BCR: variants seen among roughly 807,000 people sequenced by gnomAD.
BCR encodes breakpoint cluster region protein.
BCR carries 58 observed loss-of-function variants against 138.6 expected under a neutral mutation model. The ratio of observed to expected loss-of-function variants is 0.42; its 90% confidence interval spans 0.34 to 0.52. The LOEUF (loss-of-function observed/expected upper bound fraction) is 0.52. Ranked by LOEUF, BCR falls within the 20% of genes least tolerant of loss-of-function variation. BCR has a pLI of 0.06. For missense variants in BCR, 1,599 were observed against 1,727.2 expected (o/e 0.93, Z 1.32); for synonymous variants, 786 against 730.1 (o/e 1.08, Z -1.23).
intron 16 of BCR, among the ~76,000 whole-genome samples, chr22:23,297,566 C>T (rs567589184): frequency 3.9e-5 from 6 of 152,264 alleles, no homozygotes; most frequent in Admixed American, 6.5e-5. Flanking sequence ...TGTTTTCTGT[C>T]TCCCCCACCC....
At chr22:23,186,018 C>CG (rs2146195119) in intron 1 of BCR, among the ~76,000 whole-genome samples, 1 of 62 alleles carries the variant, frequency 0.016, no homozygotes, top group Admixed American at 0.083. Flanking sequence ...CGTGAGCCAC[C>CG]CGCGCAAGGC....
chr22:23,224,688 C>T (rs2072867173), intron 1 of BCR, among the ~76,000 whole-genome samples: 1 of 152,162 alleles, frequency 6.6e-6, no homozygotes, highest in Non-Finnish European at 1.5e-5. Flanking sequence ...TCCAGACCAG[C>T]CTGGCCCACA....
chr22:23,274,755 A>G (rs1038099647), intron 8 of BCR, among the ~76,000 whole-genome samples: 1 of 151,954 alleles, frequency 6.6e-6, no homozygotes, highest in African/African-American at 2.4e-5. Context: ...TAAAAATACA[A>G]AAATTAACTG....
At chr22:23,302,070 T>C in intron 16 of BCR, among the ~76,000 whole-genome samples, 1 of 152,026 alleles carries the variant, frequency 6.6e-6, no homozygotes, top group Non-Finnish European at 1.5e-5. Flanking sequence ...TCCCAATTTC[T>C]AGAGCCCCCC....
At chr22:23,186,716 T>G (rs2146195832) in intron 1 of BCR, among the ~76,000 whole-genome samples, 1 of 152,290 alleles carries the variant, frequency 6.6e-6, no homozygotes, top group South Asian at 2.1e-4. Flanking sequence ...TGGCAGAAAT[T>G]GTGTGGATTT....
At chr22:23,311,880 G>A (rs780825739) in intron 19 of BCR, 44 bp downstream of exon 19, 1 of 1,605,300 alleles carries the variant, frequency 6.2e-7, no homozygotes, top group Non-Finnish European at 8.5e-7. Flanking sequence ...TGTGGGCAAT[G>A]GTGTCCGCGA....
In BCR at chr22:23,223,339, A is replaced by G. The variant is rs114569730; in HGVS notation, c.1280-30460A>G. ...TTGTGTGTGTACATGCATATCTCCA[A>G]GTGTCCATGTATGGCTGTGTGAGTG... On this transcript the variant is annotated intron_variant, in intron 1 of 22. Coordinates refer to ENST00000305877, the MANE Select transcript of BCR (RefSeq NM_004327.4). Among the ~76,000 whole-genome samples the G allele has an allele frequency of 8.3e-3, 1,268 of 152,278 alleles. 21 individuals are homozygous for G. Among genetic ancestry groups the G allele is most frequent in the African/African-American group, 0.029 (1,217 of 41,544 alleles).
At position 23,292,608 on chromosome 22, in the gene BCR, C is replaced by T. The variant is rs2073800952; in HGVS notation, c.2850C>T (p.Tyr950=). 1.2e-6 allele frequency: 2 copies of T among 1,613,170 alleles called. No individual in the cohort carries two copies. Among genetic ancestry groups the T allele is most frequent in the Non-Finnish European group, 1.7e-6 (2 of 1,179,414 alleles). Residue 950 remains tyrosine, a synonymous_variant, in exon 15 of 23, where the codon TAC becomes TAT. Transcript: ENST00000305877. The part of the protein sequence containing the change: ...YFVNKAKTRV[Y]RDTAEPNWNE... ...TGAATAAAGCAAAGACGCGCGTCTACAGGGACACAGCTGAGCCAAACTGGA... is the reference window on the plus strand; with the variant it reads ...TGAATAAAGCAAAGACGCGCGTCTATAGGGACACAGCTGAGCCAAACTGGA...
rs192229764 is a variant in BCR at position 23,255,111 on chromosome 22, G to A, written c.1461+1131G>A. On this transcript the variant is annotated intron_variant, in intron 2 of 22. Transcript: ENST00000305877. ...ATTTCTGTAAGGAAGCTCCAGAAGT[G>A]TATCTTCTCACTGAGCTGCTTTTTT... Among the ~76,000 whole-genome samples, 514 of 152,328 alleles carry A rather than the reference G, an allele frequency of 3.4e-3. 7 individuals are homozygous for A. The highest frequency in any genetic ancestry group is 0.012 in the African/African-American group (490 of 41,582).
intron 1 of BCR, among the ~76,000 whole-genome samples, chr22:23,208,549 G>A (rs1602015963): frequency 6.6e-6 from 1 of 152,026 alleles, no homozygotes; most frequent in Admixed American, 6.6e-5. Context: ...TTTTTGTCTT[G>A]TACAACAAAA....
chr22:23,187,921 A>T (rs909957308), intron 1 of BCR, among the ~76,000 whole-genome samples: 2 of 152,132 alleles, frequency 1.3e-5, no homozygotes, highest in Non-Finnish European at 2.9e-5. Flanking sequence ...CTGTGTTTTC[A>T]CATTTTTATT....
chr22:23,228,372 A>G (rs2072917186), intron 1 of BCR, among the ~76,000 whole-genome samples: 1 of 152,180 alleles, frequency 6.6e-6, no homozygotes, highest in African/African-American at 2.4e-5. Flanking sequence ...GTTTAATAGT[A>G]ATGTTTCATT....
chr22:23,249,273 C>CA (rs375695802), intron 1 of BCR, among the ~76,000 whole-genome samples: 251 of 150,642 alleles, frequency 1.7e-3, no homozygotes, highest in African/African-American at 5.7e-3. Flanking sequence ...ACTAAAAATA[C>CA]AAAAAAAAAT....
intron 1 of BCR, among the ~76,000 whole-genome samples, chr22:23,242,328 A>C (rs1239948467): frequency 6.6e-6 from 1 of 152,178 alleles, no homozygotes; most frequent in Non-Finnish European, 1.5e-5. Context: ...GGCCCACTGC[A>C]GCCCCCGATT....
intron 4 of BCR, chr22:23,263,586 G>A: frequency 6.5e-7 from 1 of 1,545,218 alleles, no homozygotes. Flanking sequence ...TCAGCCTCTG[G>A]GAGTCTGCTG....
intron 19 of BCR, chr22:23,312,368 C>T (rs1184227070): frequency 2.7e-5 from 5 of 185,416 alleles, no homozygotes; most frequent in African/African-American, 1.2e-4. Flanking sequence ...CACCACCAAC[C>T]CTGACCAGGA....
At chr22:23,200,752 G>A (rs59874692) in intron 1 of BCR, among the ~76,000 whole-genome samples, 1 of 151,826 alleles carries the variant, frequency 6.6e-6, no homozygotes, top group Non-Finnish European at 1.5e-5. Context: ...TAGAGATGAG[G>A]TGTCTTCATG....
At position 23,182,877 on chromosome 22, in the gene BCR, T is replaced by A. The variant is rs1456848443; in HGVS notation, c.1279+638T>A. ...TTGTGACTCAGTGGGCCACCGAAAA[T>A]CAACTGCATGGAGATTTTATCTGGG... On this transcript the variant is annotated intron_variant, in intron 1 of 22. Transcript: ENST00000305877. Among the ~76,000 whole-genome samples the A allele has an allele frequency of 2.6e-5, 4 of 152,054 alleles. No homozygotes were observed. The East Asian group carries it at 7.7e-4, about 29-fold the overall frequency.
At chr22:23,227,946 G>A (rs2072912957) in intron 1 of BCR, among the ~76,000 whole-genome samples, 1 of 152,224 alleles carries the variant, frequency 6.6e-6, no homozygotes, top group Non-Finnish European at 1.5e-5. Context: ...GTCAGGGTGA[G>A]TGGTCACCAG....
Sources: gnomAD v4.1 joint callset for allele counts (sites outside exome capture counted in the v4.1 genomes callset) on GRCh38, gnomAD v4.1.1 for gene constraint, MANE v1.5 for transcripts, NCBI Gene and HGNC (gene_info 2026-07-23, HGNC 2026-07-21) for gene names.